The following ADAMTS17 variants were observed in gnomAD, a reference collection of about 807,000 sequenced individuals.
ADAMTS17 encodes A disintegrin and metalloproteinase with thrombospondin motifs 17.
A neutral mutation model predicts 141.5 loss-of-function variants in ADAMTS17; 113 were observed. That is an observed-to-expected ratio of 0.80 (90% CI 0.69 to 0.93). The LOEUF (loss-of-function observed/expected upper bound fraction) is 0.93. Ranked by LOEUF, ADAMTS17 falls within the 40% of genes least tolerant of loss-of-function variation. ADAMTS17 has a pLI of 0.00. For missense variants in ADAMTS17, 1,659 were observed against 1,517.9 expected (o/e 1.09, Z -1.54); for synonymous variants, 768 against 630.6 (o/e 1.22, Z -3.27).
Position 100,063,621 on chromosome 15 carries a change from T to C in ADAMTS17, c.2138-9567A>G, listed in dbSNP as rs540127451. ...ATGACACTGAACCAATTTACCAGACTGATCATCAAAATCGATTCTCAACAC... is the reference window on the plus strand; with the variant it reads ...ATGACACTGAACCAATTTACCAGACCGATCATCAAAATCGATTCTCAACAC... On this transcript the variant is annotated intron_variant, in intron 15 of 21. Coordinates refer to ENST00000268070, the MANE Select transcript of ADAMTS17 (RefSeq NM_139057.4). The C allele has an allele frequency of 5.5e-6, 7 of 1,275,044 alleles. No individual in the cohort carries two copies. In the Admixed American group the frequency reaches 6.9e-5, roughly 13 times the overall value. 79.0% of individuals were successfully genotyped at this position (1,275,044 alleles called of 1,614,324 possible). A position where few individuals can be genotyped will look rare whatever the true frequency, so the allele number is the denominator to read the frequency against.
chr15:100,293,605 T>C (rs1009942901), intron 3 of ADAMTS17, among the ~76,000 whole-genome samples: 2 of 152,136 alleles, frequency 1.3e-5, no homozygotes, highest in African/African-American at 4.8e-5. Context: ...CCACCACTGA[T>C]GGGGGTCTAG....
At position 100,303,232 on chromosome 15, in the gene ADAMTS17, T is replaced by C. The variant is rs1369520039; in HGVS notation, c.617-21831A>G. ...ATATATATGTAACATATATATTATA[T>C]ATATATTCCATTAGTTCTGTCCCTC... On this transcript the variant is annotated intron_variant, in intron 3 of 21. Transcript: ENST00000268070. 5.4e-5 allele frequency among the ~76,000 whole-genome samples: 8 copies of C among 147,818 alleles called. No homozygotes were observed. The East Asian group carries it at 1.2e-3, about 22-fold the overall frequency.
chr15:100,318,188 T>C (rs1465396492), intron 3 of ADAMTS17, among the ~76,000 whole-genome samples: 3 of 152,150 alleles, frequency 2.0e-5, no homozygotes, highest in African/African-American at 7.2e-5. Flanking sequence ...CACTGTTTCA[T>C]GAGGGGTAAA....
chr15:100,161,282 C>T (rs1596146209), intron 8 of ADAMTS17, among the ~76,000 whole-genome samples: 1 of 152,230 alleles, frequency 6.6e-6, no homozygotes. Context: ...CTAGACGGAA[C>T]CTCTGCCACT....
At chr15:100,140,157 G>A (rs2038553204) in intron 10 of ADAMTS17, among the ~76,000 whole-genome samples, 1 of 151,822 alleles carries the variant, frequency 6.6e-6, no homozygotes, top group Non-Finnish European at 1.5e-5. Flanking sequence ...CACCATGCCT[G>A]GCTAATTTTT....
chr15:100,146,031 G>T (rs758730282), intron 10 of ADAMTS17, among the ~76,000 whole-genome samples: 3 of 152,284 alleles, frequency 2.0e-5, no homozygotes, highest in South Asian at 2.1e-4. Context: ...AAATTAGCTG[G>T]GTGTGGTGGC....
In ADAMTS17 at chr15:100,051,626, A is replaced by G. The variant is rs771994006; in HGVS notation, c.2401T>C (p.Leu801=). The G allele has an allele frequency of 2.5e-6, 4 of 1,614,060 alleles. No individual in the cohort carries two copies. The East Asian group carries it at 8.9e-5, about 36-fold the overall frequency. The part of the protein sequence containing the change: ...QSEPEKPQDS[L]FIWTHSGWEG... ...CAGCCGCTGTGGGTCCAGATGAACAAAGAGTCCTGCGGTTTTTCTGGTTCG... is the reference window on the plus strand; with the variant it reads ...CAGCCGCTGTGGGTCCAGATGAACAGAGAGTCCTGCGGTTTTTCTGGTTCG... Residue 801 remains leucine (L), a synonymous_variant, in exon 17 of 22, where the codon TTG becomes CTG. Coordinates refer to ENST00000268070, the MANE Select transcript of ADAMTS17 (RefSeq NM_139057.4).
intron 18 of ADAMTS17, among the ~76,000 whole-genome samples, chr15:100,019,264 G>T (rs186867036): frequency 6.6e-6 from 1 of 152,056 alleles, no homozygotes; most frequent in South Asian, 2.1e-4. Flanking sequence ...TGAAAATTTG[G>T]GTGGGATGAG....
intron 8 of ADAMTS17, among the ~76,000 whole-genome samples, chr15:100,163,427 A>C (rs2039819315): frequency 1.3e-5 from 2 of 150,394 alleles, no homozygotes; most frequent in South Asian, 4.2e-4. Flanking sequence ...TTCATGATCC[A>C]CATTTTTTTT....
At chr15:99,978,998 T>C (rs1057407782) in intron 20 of ADAMTS17, 1 of 152,230 alleles carries the variant, frequency 6.6e-6, no homozygotes, top group Non-Finnish European at 1.5e-5. Flanking sequence ...CAAATATGTA[T>C]AATTAAGCAA....
intron 8 of ADAMTS17, among the ~76,000 whole-genome samples, chr15:100,155,935 A>G (rs1358190162): frequency 6.6e-6 from 1 of 152,204 alleles, no homozygotes; most frequent in Non-Finnish European, 1.5e-5. Flanking sequence ...CTTAGCTTAT[A>G]CACTTGCCCT....
At chr15:100,232,325 C>A (rs1036925479) in intron 7 of ADAMTS17, among the ~76,000 whole-genome samples, 3 of 152,214 alleles carry the variant, frequency 2.0e-5, no homozygotes, top group Non-Finnish European at 4.4e-5. Context: ...GCCAGCACCT[C>A]CCCAACTCCT....
chr15:100,173,978 T>C (rs1309057793), intron 8 of ADAMTS17, among the ~76,000 whole-genome samples: 1 of 152,206 alleles, frequency 6.6e-6, no homozygotes, highest in Non-Finnish European at 1.5e-5. Flanking sequence ...TCTCCTACTC[T>C]GAGCTGAGAT....
chr15:100,036,391 C>A (rs531710820), intron 18 of ADAMTS17, among the ~76,000 whole-genome samples: 1 of 152,322 alleles, frequency 6.6e-6, no homozygotes, highest in African/African-American at 2.4e-5. Flanking sequence ...AGCCACTAAA[C>A]AAGGTCCACT....
At chr15:100,295,315 T>C (rs74434335) in intron 3 of ADAMTS17, among the ~76,000 whole-genome samples, 446 of 152,276 alleles carry the variant, frequency 2.9e-3, no homozygotes, top group African/African-American at 9.7e-3. Flanking sequence ...TAACTATTAA[T>C]ATATTTCCCA....
chr15:100,281,029 G>T (rs552960153), intron 4 of ADAMTS17, among the ~76,000 whole-genome samples, 200 bp downstream of exon 4: 1 of 152,290 alleles, frequency 6.6e-6, no homozygotes, highest in South Asian at 2.1e-4. Context: ...CCAGTGTGGA[G>T]CCGAGGGCAG....
At chr15:100,292,327 C>G (rs1019485091) in intron 3 of ADAMTS17, among the ~76,000 whole-genome samples, 2 of 151,888 alleles carry the variant, frequency 1.3e-5, no homozygotes, top group African/African-American at 4.8e-5. Context: ...AGACACTCAG[C>G]CCGTGTGGAA....
intron 8 of ADAMTS17, among the ~76,000 whole-genome samples, chr15:100,193,624 G>C (rs765795689): frequency 6.6e-6 from 1 of 152,162 alleles, no homozygotes; most frequent in Non-Finnish European, 1.5e-5. Context: ...GAGAGTGAGC[G>C]CATCGGTCAA....
chr15:100,216,243 T>TAAC lies in ADAMTS17; in HGVS notation c.1076-16823_1076-16821dup, dbSNP rs532252632. Among the ~76,000 whole-genome samples, 217 of 152,358 alleles carry TAAC rather than the reference T, an allele frequency of 1.4e-3. 1 individual carries two copies. Among genetic ancestry groups the TAAC allele is most frequent in the African/African-American group, 5.1e-3 (213 of 41,588 alleles). The stretch of plus-strand genomic sequence containing the variant: ...GAGTAAACCCTGAACAAATATTATC[T>TAAC]AACACTGCAATTAGTTTGACCAAGT... On this transcript the variant is annotated intron_variant, in intron 7 of 21. Transcript: ENST00000268070.
Sources: allele counts gnomAD v4.1 joint callset (sites outside exome capture counted in the v4.1 genomes callset), GRCh38; gene constraint gnomAD v4.1.1; transcripts MANE v1.5; gene names NCBI Gene and HGNC (gene_info 2026-07-23, HGNC 2026-07-21).